CLASP1: variants seen among roughly 807,000 people sequenced by gnomAD.
The protein encoded by CLASP1 is cytoplasmic linker associated protein 1, also known as CLIP-associating protein 1.
A neutral mutation model predicts 192.3 loss-of-function variants in CLASP1; 38 were observed. The ratio of observed to expected loss-of-function variants is 0.20; its 90% CI spans 0.15 to 0.26. The LOEUF is 0.26. Ranked by LOEUF, CLASP1 falls within the 10% of genes least tolerant of loss-of-function variation. CLASP1 has a pLI of 1.00. For synonymous variants in CLASP1, 691 were observed against 712.8 expected (o/e 0.97, Z 0.49); for missense variants, 1,433 against 1,932.5 (o/e 0.74, Z 4.85).
chr2:121,425,612 T>C (rs1311685766), intron 21 of CLASP1, among the ~76,000 whole-genome samples: 1 of 152,144 alleles, frequency 6.6e-6, no homozygotes, highest in East Asian at 1.9e-4. Context: ...GAGCTGATTA[T>C]GTTAAAAATT....
At chr2:121,473,925 T>G (rs899102256) in intron 8 of CLASP1, among the ~76,000 whole-genome samples, 4 of 152,206 alleles carry the variant, frequency 2.6e-5, no homozygotes, top group Admixed American at 6.5e-5. Context: ...AGACCCGCAC[T>G]TCAAGAAATG....
chr2:121,420,660 G>A (rs1034376389), intron 22 of CLASP1, among the ~76,000 whole-genome samples: 2 of 152,124 alleles, frequency 1.3e-5, no homozygotes, highest in African/African-American at 2.4e-5. Context: ...AAATTTTGTC[G>A]TATTCCACTG....
At chr2:121,551,840 A>C (rs113363140) in intron 2 of CLASP1, among the ~76,000 whole-genome samples, 207 of 152,294 alleles carry the variant, frequency 1.4e-3, no homozygotes, top group African/African-American at 4.7e-3. Flanking sequence ...AAAGAACTAG[A>C]AAAAAATATT....
intron 2 of CLASP1, among the ~76,000 whole-genome samples, chr2:121,554,048 T>C (rs1311039579): frequency 1.3e-5 from 2 of 150,058 alleles, no homozygotes; most frequent in Admixed American, 1.3e-4. Context: ...ATGCCATCTC[T>C]TTAAAAAAAA....
At chr2:121,382,355 G>A (rs1214101072) in intron 32 of CLASP1, 31 bp from the exon 34 acceptor site, 6 of 1,412,400 alleles carry the variant, frequency 4.2e-6, no homozygotes, top group Admixed American at 2.6e-5. Context: ...AAATCAGAGA[G>A]AGAAATACAA....
chr2:121,604,111 A>G (rs551632531), intron 2 of CLASP1, among the ~76,000 whole-genome samples: 1 of 152,356 alleles, frequency 6.6e-6, no homozygotes, highest in East Asian at 1.9e-4. Context: ...GATGATGGAT[A>G]TATTAATTAC....
At chr2:121,465,692 C>A (rs374067086) in intron 9 of CLASP1, among the ~76,000 whole-genome samples, 3 of 152,158 alleles carry the variant, frequency 2.0e-5, no homozygotes, top group Admixed American at 6.5e-5. Context: ...TATGGAACCA[C>A]AAAAGAGCCC....
At chr2:121,345,705 GCACACCTGCCTCATACAC>G (rs1415952495) in intron 39 of CLASP1, among the ~76,000 whole-genome samples, 3 of 152,142 alleles carry the variant, frequency 2.0e-5, no homozygotes, top group Admixed American at 1.3e-4. Context: ...ACCATGCACT[GCACACCTGCCTCATACAC>G]CTCTTCCAGC....
intron 2 of CLASP1, among the ~76,000 whole-genome samples, chr2:121,563,619 C>G (rs1395104451): frequency 6.6e-6 from 1 of 152,138 alleles, no homozygotes; most frequent in Non-Finnish European, 1.5e-5. Flanking sequence ...CTTTTAACTT[C>G]CAACTTTTTG....
intron 23 of CLASP1, among the ~76,000 whole-genome samples, chr2:121,414,525 T>C (rs750558017): frequency 2.6e-5 from 4 of 152,160 alleles, no homozygotes; most frequent in Non-Finnish European, 4.4e-5. Flanking sequence ...TATGGACATA[T>C]GCAACATGAA....
chr2:121,550,005 CA>C (rs59439843), intron 2 of CLASP1, among the ~76,000 whole-genome samples: 7,751 of 55,724 alleles, frequency 0.14, 324 homozygotes, highest in African/African-American at 0.34. Context: ...GACTCCGTCT[CA>C]AAAAAAAAAA....
intron 2 of CLASP1, among the ~76,000 whole-genome samples, chr2:121,589,138 C>T (rs753684473): frequency 1.2e-4 from 19 of 152,214 alleles, no homozygotes; most frequent in Non-Finnish European, 2.1e-4. Flanking sequence ...GTCCCCAGTG[C>T]TGTCTCCAGA....
chr2:121,391,575 T>C (rs1426828485), intron 30 of CLASP1, among the ~76,000 whole-genome samples: 1 of 152,236 alleles, frequency 6.6e-6, no homozygotes, highest in Non-Finnish European at 1.5e-5. Flanking sequence ...GTATTCTTGC[T>C]ACAGGTGATG....
At position 121,594,226 on chromosome 2, in the gene CLASP1, G is replaced by A. The variant is rs1431457992; in HGVS notation, c.195+11475C>T. On this transcript the variant is annotated intron_variant, in intron 2 of 39. Transcript: ENST00000263710. ...GAGGCAGGAGAATGGCGTGAACCCG[G>A]GAGGCGGAGCTTTCAGTGAGCCGAG... is the stretch of plus-strand genomic sequence containing the variant. Among the ~76,000 whole-genome samples, 17 of 150,758 alleles carry A rather than the reference G, an allele frequency of 1.1e-4. No homozygotes were observed. The South Asian group carries it at 1.9e-3, about 17-fold the overall frequency.
chr2:121,496,401 T>C (rs2093535044), intron 8 of CLASP1, among the ~76,000 whole-genome samples: 2 of 152,190 alleles, frequency 1.3e-5, no homozygotes, highest in Admixed American at 1.3e-4. Flanking sequence ...CATGTTGTCA[T>C]TCATTCTCTC....
intron 32 of CLASP1, among the ~76,000 whole-genome samples, chr2:121,383,618 TAC>T (rs35179226): frequency 0.19 from 28,254 of 151,866 alleles, 4,720 homozygotes; most frequent in African/African-American, 0.45. Flanking sequence ...ACATGCTATT[TAC>T]ACAGAGTCAT....
At chr2:121,566,947 C>T (rs758398919) in intron 2 of CLASP1, among the ~76,000 whole-genome samples, 9 of 152,196 alleles carry the variant, frequency 5.9e-5, no homozygotes, top group Non-Finnish European at 8.8e-5. Context: ...CCTGGTGTGG[C>T]CTTCACGCCC....
At chr2:121,493,481 C>G (rs2093404757) in intron 8 of CLASP1, among the ~76,000 whole-genome samples, 1 of 152,120 alleles carries the variant, frequency 6.6e-6, no homozygotes, top group African/African-American at 2.4e-5. Context: ...ATATCTCTCA[C>G]CACAAAAATC....
At chr2:121,577,249 G>A (rs2060614200) in intron 2 of CLASP1, among the ~76,000 whole-genome samples, 1 of 150,710 alleles carries the variant, frequency 6.6e-6, no homozygotes, top group African/African-American at 2.4e-5. Context: ...CATGACAAAA[G>A]GTTGGGAAAA....
Sources: gnomAD v4.1 joint callset for allele counts (sites outside exome capture counted in the v4.1 genomes callset) on GRCh38, gnomAD v4.1.1 for gene constraint, MANE v1.5 for transcripts, NCBI Gene and HGNC (gene_info 2026-07-23, HGNC 2026-07-21) for gene names.